The following ATAD2B variants were observed in gnomAD, a reference collection of about 807,000 sequenced individuals.
ATAD2B encodes the protein ATPase family AAA domain containing 2B.
A neutral mutation model predicts 167.6 loss-of-function variants in ATAD2B; 40 were observed. The observed-to-expected ratio is 0.24, with a 90% CI of 0.19 to 0.31. The LOEUF is 0.31. ATAD2B is among the 10% of genes least tolerant of loss of function. The probability of loss-of-function intolerance (pLI) is 1.00; values close to 1 mark genes in which losing one functional copy is unlikely to be tolerated. For synonymous variants in ATAD2B, 579 were observed against 596.5 expected (o/e 0.97, Z 0.43); for missense variants, 1,242 against 1,757.2 (o/e 0.71, Z 5.24).
chr2:23,802,406 G>C (rs1374333227), intron 18 of ATAD2B, among the ~76,000 whole-genome samples: 3 of 151,902 alleles, frequency 2.0e-5, no homozygotes, highest in South Asian at 2.1e-4. Flanking sequence ...GGATTCTAAA[G>C]ATTCAGGATT....
intron 1 of ATAD2B, among the ~76,000 whole-genome samples, chr2:23,897,534 G>C (rs1700293337): frequency 6.6e-6 from 1 of 152,214 alleles, no homozygotes; most frequent in Non-Finnish European, 1.5e-5. Flanking sequence ...CATTTTAACA[G>C]AGAGCTTAAC....
the ATAD2B span, among the ~76,000 whole-genome samples, chr2:23,711,418 G>A: frequency 8.5e-6 from 1 of 118,096 alleles, no homozygotes; most frequent in South Asian, 3.0e-4. Flanking sequence ...CAGGCTGGAT[G>A]GAGTGCAATG....
chr2:23,716,221 C>A, the ATAD2B span, among the ~76,000 whole-genome samples: 52 of 152,256 alleles, frequency 3.4e-4, no homozygotes, highest in East Asian at 7.7e-3. Flanking sequence ...ATGTAGATCC[C>A]ATATTATAGA....
chr2:23,748,275 G>C (rs891491357), downstream of ATAD2B, among the ~76,000 whole-genome samples: 2 of 152,066 alleles, frequency 1.3e-5, no homozygotes, highest in African/African-American at 4.8e-5. Flanking sequence ...TGAAATCTCT[G>C]TCCATATTAT....
chr2:23,890,596 A>G (rs1699339806), intron 2 of ATAD2B, among the ~76,000 whole-genome samples: 1 of 152,198 alleles, frequency 6.6e-6, no homozygotes, highest in Admixed American at 6.5e-5. Context: ...TTGTCTTTAG[A>G]CCCAACAAAG....
At chr2:23,756,188 T>C (rs1675932525) in intron 25 of ATAD2B, among the ~76,000 whole-genome samples, 1 of 152,196 alleles carries the variant, frequency 6.6e-6, no homozygotes, top group Admixed American at 6.5e-5. Flanking sequence ...CTTTAACATA[T>C]TTTTAAAGTT....
the ATAD2B span, among the ~76,000 whole-genome samples, chr2:23,720,578 C>CAAAAAA: frequency 1.6e-5 from 2 of 126,698 alleles, no homozygotes; most frequent in East Asian, 2.4e-4. Flanking sequence ...GACTCCGTCT[C>CAAAAAA]AAAAAAAAAA....
At chr2:23,748,435 C>T (rs1439573477), downstream of ATAD2B, among the ~76,000 whole-genome samples, 2 of 152,166 alleles carry the variant, frequency 1.3e-5, no homozygotes, top group African/African-American at 4.8e-5. Flanking sequence ...TTCTATACAA[C>T]ATATTTTAGA....
At chr2:23,858,494 T>A (rs1693804772) in intron 12 of ATAD2B, among the ~76,000 whole-genome samples, 2 of 150,944 alleles carry the variant, frequency 1.3e-5, no homozygotes, top group African/African-American at 4.9e-5. Flanking sequence ...TCATTCTTTT[T>A]TTTTTTTTTT....
At chr2:23,822,638 G>A (rs112038270) in intron 16 of ATAD2B, among the ~76,000 whole-genome samples, 7,689 of 151,814 alleles carry the variant, frequency 0.051, 257 homozygotes, top group Middle Eastern at 0.075. Flanking sequence ...TTAACAGGCC[G>A]GGCGGGGTGG....
chr2:23,887,758 GTTAT>G lies in ATAD2B; in HGVS notation c.572+70_572+73del, dbSNP rs1573266295. The G allele has an allele frequency of 6.7e-6, 9 of 1,350,390 alleles. No individual in the cohort carries two copies. The East Asian group carries it at 2.3e-4, about 35-fold the overall frequency. 83.7% of individuals were successfully genotyped at this position (1,350,390 alleles called of 1,614,324 possible). On this transcript the variant is annotated intron_variant, in intron 4 of 27. Coordinates refer to ENST00000238789, the MANE Select transcript of ATAD2B (RefSeq NM_017552.4). ...TATTGATTGCTAAGTCGTTGCTTAT[GTTAT>G]TTTTTTAAAACGTAACTGTCTTAAA...
the ATAD2B span, among the ~76,000 whole-genome samples, chr2:23,681,673 G>A: frequency 6.6e-6 from 1 of 152,160 alleles, no homozygotes; most frequent in Admixed American, 6.5e-5. This position sits in a 1 kb window ranked among gnomAD's most constrained non-coding sequence, Gnocchi z 4.2. Flanking sequence ...CCAGAAAGCT[G>A]GGGTGCTGGC....
the ATAD2B span, among the ~76,000 whole-genome samples, chr2:23,698,474 T>C: frequency 6.6e-6 from 1 of 152,130 alleles, no homozygotes; most frequent in Non-Finnish European, 1.5e-5. Context: ...GTCAGGGTAA[T>C]GGGGACAGAC....
Position 23,762,308 on chromosome 2 carries a change from T to C in ATAD2B, c.3295A>G (p.Thr1099Ala). The change falls in exon 24 of 28, where the codon ACT (threonine) becomes GCT (alanine). Residue 1099 changes from threonine (T) to alanine (A), a missense_variant. Around this residue, in one of 9 missense-constraint regions of ATAD2B, gnomAD observed 204 missense variants for 324.0 expected, o/e 0.63. Coordinates refer to ENST00000238789, the MANE Select transcript of ATAD2B (RefSeq NM_017552.4). ...CTAGTTTCTGTCTTCCGAGCTCCAG[T>C]ACTATGAGGATTTATTTGTTCTGAT... ...VTSEQINPHSTGARKTETRVE... is the reference protein window; with the variant it reads ...VTSEQINPHSAGARKTETRVE... 1 of 1,613,504 alleles carries C rather than the reference T, an allele frequency of 6.2e-7. No individual in the cohort carries two copies. The highest frequency in any genetic ancestry group is 8.5e-7 in the Non-Finnish European group (1 of 1,179,696).
intron 17 of ATAD2B, among the ~76,000 whole-genome samples, chr2:23,814,531 ATG>A (rs1686128723): frequency 1.3e-5 from 2 of 152,174 alleles, no homozygotes; most frequent in Admixed American, 6.5e-5. Context: ...GGTACAAGAG[ATG>A]AATTCCAAGA....
intron 13 of ATAD2B, among the ~76,000 whole-genome samples, chr2:23,852,443 C>G (rs556086910): frequency 1.3e-5 from 2 of 152,046 alleles, no homozygotes; most frequent in Non-Finnish European, 2.9e-5. Context: ...ATCTAATACA[C>G]ATCAAAATTA....
intron 12 of ATAD2B, among the ~76,000 whole-genome samples, chr2:23,858,033 A>G (rs898500687): frequency 1.1e-4 from 17 of 150,970 alleles, no homozygotes; most frequent in Non-Finnish European, 2.2e-4. Context: ...GTGAGCCACC[A>G]CACCCGGCCA....
At chr2:23,818,166 G>T (rs1686820878) in intron 17 of ATAD2B, among the ~76,000 whole-genome samples, 1 of 134,016 alleles carries the variant, frequency 7.5e-6, no homozygotes. Flanking sequence ...AGGGAGGGAA[G>T]AAGAGAGGGA....
chr2:23,745,368 AGAAG>A (rs767435573), downstream of ATAD2B, among the ~76,000 whole-genome samples: 1,436 of 52,892 alleles, frequency 0.027, 20 homozygotes, highest in South Asian at 0.038. Flanking sequence ...AAGGAAGGAA[AGAAG>A]GAAGGAAGGA....
Sources: gnomAD v4.1 joint callset for allele counts (sites outside exome capture counted in the v4.1 genomes callset) on GRCh38, gnomAD v4.1.1 for gene constraint, gnomAD v4.1.1 regional missense constraint, Gnocchi (gnomAD v3.1) non-coding constraint, MANE v1.5 for transcripts, NCBI Gene and HGNC (gene_info 2026-07-23, HGNC 2026-07-21) for gene names.